Variants in PCSK5 observed in about 807,000 individuals in gnomAD.
The protein encoded by PCSK5 is prohormone convertase 5.
PCSK5 carries 129 observed loss-of-function variants against 233.2 expected under a neutral mutation model. The observed-to-expected ratio is 0.55, with a 90% CI of 0.48 to 0.64. The LOEUF is 0.64. PCSK5 is among the 30% of genes least tolerant of loss of function. PCSK5 has a pLI of 0.00. For missense variants in PCSK5, 2,076 were observed against 2,430.1 expected (o/e 0.85, Z 3.06); for synonymous variants, 825 against 879.2 (o/e 0.94, Z 1.09).
chr9:76,109,889 G>A (rs1346784443), intron 9 of PCSK5, among the ~76,000 whole-genome samples: 1 of 152,212 alleles, frequency 6.6e-6, no homozygotes, highest in Admixed American at 6.5e-5. Flanking sequence ...GCATCAATAA[G>A]CATCGGGCCT....
chr9:76,238,778 C>G lies in PCSK5; in HGVS notation c.2867-181C>G, dbSNP rs141043055. ...GGAAAATAATTCCCTGCAAGGAAAA[C>G]TTCTCAACTACAAGGATGTAGCTAT... On this transcript the variant is annotated intron_variant, in intron 22 of 37. Coordinates refer to ENST00000674117, the MANE Select transcript of PCSK5 (RefSeq NM_001372043.1). Among the ~76,000 whole-genome samples the G allele has an allele frequency of 2.6e-3, 394 of 152,324 alleles. 2 individuals carry two copies. The highest frequency in any genetic ancestry group is 9.2e-3 in the African/African-American group (381 of 41,568).
At chr9:76,337,856 T>C (rs932501610) in intron 34 of PCSK5, among the ~76,000 whole-genome samples, 3 of 148,704 alleles carry the variant, frequency 2.0e-5, no homozygotes, top group African/African-American at 7.4e-5. Context: ...AAAAAAAAGA[T>C]CCTTCCATTC....
In PCSK5 at chr9:76,323,189, G is replaced by T; in HGVS notation, c.4240G>T (p.Glu1414Ter). Residue 1414 changes from glutamate to a stop codon, truncating the protein, a stop_gained, in exon 32 of 38, where the codon GAG (glutamate) becomes TAG (stop). Transcript: ENST00000674117. LOFTEE classifies it high-confidence loss of function. ...ECSGPKADDC[E>*]LCLESSWVLY... The stretch of plus-strand genomic sequence containing the variant: ...CAGTGGCCCCAAAGCCGACGACTGC[G>T]AGCTCTGTCTTGAGAGTTCCTGGGT... The T allele has an allele frequency of 6.2e-7, 1 of 1,612,692 alleles. No individual in the cohort carries two copies. Among genetic ancestry groups the T allele is most frequent in the Non-Finnish European group, 8.5e-7 (1 of 1,179,804 alleles).
intron 10 of PCSK5, among the ~76,000 whole-genome samples, chr9:76,149,311 G>T (rs1823572047): frequency 6.6e-6 from 1 of 152,118 alleles, no homozygotes; most frequent in Non-Finnish European, 1.5e-5. Flanking sequence ...CTCCTTGTGA[G>T]GTCAGCTGAT....
At chr9:75,911,966 TA>T (rs1188701678) in intron 1 of PCSK5, among the ~76,000 whole-genome samples, 2 of 152,170 alleles carry the variant, frequency 1.3e-5, no homozygotes, top group African/African-American at 4.8e-5. Flanking sequence ...AGGAGTTGCA[TA>T]GAATTTGTGG....
intron 3 of PCSK5, among the ~76,000 whole-genome samples, chr9:76,018,802 C>T (rs1394938758): frequency 6.6e-6 from 1 of 152,170 alleles, no homozygotes; most frequent in East Asian, 1.9e-4. Context: ...AGGTCTTAAA[C>T]AACTGTATTC....
At chr9:76,037,956 T>C (rs986109153) in intron 5 of PCSK5, among the ~76,000 whole-genome samples, 1 of 152,160 alleles carries the variant, frequency 6.6e-6, no homozygotes, top group Non-Finnish European at 1.5e-5. Flanking sequence ...GTTTACCACT[T>C]CCTATTTTTA....
At chr9:76,302,621 G>C (rs562488458) in intron 28 of PCSK5, among the ~76,000 whole-genome samples, 15 of 152,258 alleles carry the variant, frequency 9.9e-5, no homozygotes, top group African/African-American at 3.6e-4. Context: ...CAGGAGATGA[G>C]AGAAATAAAG....
chr9:76,330,450 A>T (rs776944974), intron 33 of PCSK5, among the ~76,000 whole-genome samples: 2 of 152,034 alleles, frequency 1.3e-5, no homozygotes, highest in Non-Finnish European at 2.9e-5. Flanking sequence ...TGAAACTCCA[A>T]ATAGACATGT....
chr9:76,022,763 C>T lies in PCSK5; in HGVS notation c.412-975C>T, dbSNP rs149379549. On this transcript the variant is annotated intron_variant, in intron 3 of 37. Coordinates refer to ENST00000674117, the MANE Select transcript of PCSK5 (RefSeq NM_001372043.1). ...TAATGAGCTCAGGTTCCATGTTTTA[C>T]AGCCTTCCCCTCGAAGCCTTCACAC... Among the ~76,000 whole-genome samples the T allele has an allele frequency of 2.0e-3, 308 of 152,316 alleles. 2 individuals carry two copies. The highest frequency in any genetic ancestry group is 6.8e-3 in the Middle Eastern group (2 of 294).
chr9:76,071,770 A>C lies in PCSK5; in HGVS notation c.766A>C (p.Lys256Gln). 6.2e-7 allele frequency: 1 copy of C among 1,614,118 alleles called. No individual in the cohort carries two copies. Among genetic ancestry groups the C allele is most frequent in the Non-Finnish European group, 8.5e-7 (1 of 1,179,986 alleles). ...AGATGTCACGGACATGGTTGAAGCAAAATCAGTTAGCTTCAACCCCCAGCA... is the reference window on the plus strand; with the variant it reads ...AGATGTCACGGACATGGTTGAAGCACAATCAGTTAGCTTCAACCCCCAGCA... ...DGDVTDMVEA[K>Q]SVSFNPQHVH... The change falls in exon 7 of 38, where the codon AAA (lysine) becomes CAA (glutamine). Residue 256 changes from lysine (K) to glutamine (Q), a missense_variant. By Grantham distance (53) the Lys-to-Gln change is moderately conservative. Around this residue, in one of 6 missense-constraint regions of PCSK5, gnomAD observed 178 missense variants for 393.6 expected, o/e 0.45. Coordinates refer to ENST00000674117, the MANE Select transcript of PCSK5 (RefSeq NM_001372043.1).
chr9:75,915,685 A>C (rs564880292), intron 1 of PCSK5, among the ~76,000 whole-genome samples: 1 of 152,362 alleles, frequency 6.6e-6, no homozygotes, highest in South Asian at 2.1e-4. Context: ...TTAGTGGTGT[A>C]GAAGCCTCTG....
chr9:76,355,460 G>T (rs959424512), intron 37 of PCSK5, among the ~76,000 whole-genome samples: 1 of 151,654 alleles, frequency 6.6e-6, no homozygotes, highest in Non-Finnish European at 1.5e-5. Context: ...GTGACAGAGC[G>T]AGACTCCGTC....
chr9:76,315,698 T>TCTCA lies in PCSK5; in HGVS notation c.3884+4848_3884+4851dup, dbSNP rs533857373. ...CTTGCTCTGGAATGCAGTGGTGCAATCTCAGCTCACTGCAATTTCTGCCTC... is the reference window on the plus strand; with the variant it reads ...CTTGCTCTGGAATGCAGTGGTGCAATCTCACTCAGCTCACTGCAATTTCTGCCTC... On this transcript the variant is annotated intron_variant, in intron 30 of 37. Transcript: ENST00000674117. Among the ~76,000 whole-genome samples, 20 of 145,114 alleles carry TCTCA rather than the reference T, an allele frequency of 1.4e-4. No homozygotes were observed. The Admixed American group carries it at 1.4e-3, about 10-fold the overall frequency.
At chr9:76,022,516 T>C (rs1828240557) in intron 3 of PCSK5, among the ~76,000 whole-genome samples, 1 of 152,132 alleles carries the variant, frequency 6.6e-6, no homozygotes, top group Non-Finnish European at 1.5e-5. Flanking sequence ...TGGAATTATG[T>C]AGCAGCACAG....
At chr9:76,355,993 C>T (rs762114135) in intron 37 of PCSK5, among the ~76,000 whole-genome samples, 15 of 152,138 alleles carry the variant, frequency 9.9e-5, no homozygotes, top group Non-Finnish European at 1.9e-4. Context: ...CGTGAGCTAC[C>T]GCGCCTGGCT....
At chr9:75,893,764 GT>G (rs928212516) in intron 1 of PCSK5, among the ~76,000 whole-genome samples, 4 of 152,182 alleles carry the variant, frequency 2.6e-5, no homozygotes, top group Non-Finnish European at 5.9e-5. Flanking sequence ...ATTTATTGTG[GT>G]TTTACAGCGC....
chr9:76,149,504 A>G (rs1564062798), intron 10 of PCSK5, among the ~76,000 whole-genome samples: 1 of 152,224 alleles, frequency 6.6e-6, no homozygotes, highest in Non-Finnish European at 1.5e-5. Flanking sequence ...AGTAATATGT[A>G]AATAATCCAC....
intron 1 of PCSK5, among the ~76,000 whole-genome samples, chr9:75,895,888 C>T (rs933292731): frequency 2.6e-5 from 4 of 152,084 alleles, no homozygotes; most frequent in Admixed American, 6.5e-5. Flanking sequence ...TATTATAGGA[C>T]GCTTGAAATG....
Sources: allele counts gnomAD v4.1 joint callset (sites outside exome capture counted in the v4.1 genomes callset), GRCh38; gene constraint gnomAD v4.1.1; regional missense constraint gnomAD v4.1.1; transcripts MANE v1.5; gene names NCBI Gene and HGNC (gene_info 2026-07-23, HGNC 2026-07-21).